The following LTBP2 variants were observed in gnomAD, a reference collection of about 807,000 sequenced individuals.
LTBP2 encodes latent transforming growth factor beta binding protein 2, also known as latent-transforming growth factor beta-binding protein 2.
Under a neutral mutation model 210.6 loss-of-function variants are expected in LTBP2, and 103 were observed. The ratio of observed to expected loss-of-function variants is 0.49; its 90% CI spans 0.42 to 0.58. The LOEUF is 0.58. LTBP2 is among the 20% of genes least tolerant of loss of function. LTBP2 has a pLI of 0.00. For synonymous variants in LTBP2, 1,007 were observed against 1,015.0 expected (o/e 0.99, Z 0.15); for missense variants, 2,313 against 2,494.5 (o/e 0.93, Z 1.55).
chr14:74,527,987 G>A (rs560288106), intron 12 of LTBP2, among the ~76,000 whole-genome samples: 3 of 152,352 alleles, frequency 2.0e-5, no homozygotes, highest in Admixed American at 6.5e-5. Context: ...ACTTCTCCAT[G>A]GTTTTCAGGG....
rs1177326263 is a variant in LTBP2, at chr14:74,541,722, C to T, written c.1790-5722G>A. On this transcript the variant is annotated intron_variant, in intron 8 of 35. Transcript: ENST00000261978. ...AAACCTAGCACCCTTCCTAGGAAAC[C>T]TCTACCCTGTTTTTAAATGAGGGGT... Among the ~76,000 whole-genome samples the T allele has an allele frequency of 3.9e-5, 6 of 151,912 alleles. No individual in the cohort carries two copies. The East Asian group carries it at 1.2e-3, about 29-fold the overall frequency.
chr14:74,535,248 A>C (rs1038606149), intron 9 of LTBP2, among the ~76,000 whole-genome samples: 5 of 152,110 alleles, frequency 3.3e-5, no homozygotes, highest in Non-Finnish European at 4.4e-5. Context: ...TCTCTGAAGC[A>C]ACCTCCAGGA....
At position 74,550,620 on chromosome 14, in the gene LTBP2, T is replaced by A. The variant is rs549068718; in HGVS notation, c.1686+444A>T. Among the ~76,000 whole-genome samples the A allele has an allele frequency of 2.0e-5, 3 of 152,306 alleles. No individual in the cohort carries two copies. In the South Asian group the frequency reaches 6.2e-4, roughly 32 times the overall value. ...CAGAGGGCAATAGGAGTATCTCTCATCTTTGTACCACCAGGGCTTTGGGGT... is the reference window on the plus strand; with the variant it reads ...CAGAGGGCAATAGGAGTATCTCTCAACTTTGTACCACCAGGGCTTTGGGGT... On this transcript the variant is annotated intron_variant, in intron 7 of 35. Coordinates refer to ENST00000261978, the MANE Select transcript of LTBP2 (RefSeq NM_000428.3).
chr14:74,529,570 G>C (rs1310079613), intron 10 of LTBP2, among the ~76,000 whole-genome samples: 1 of 152,142 alleles, frequency 6.6e-6, no homozygotes, highest in African/African-American at 2.4e-5. Flanking sequence ...CCCTATCTTG[G>C]GTCATCTCTG....
chr14:74,532,700 G>A, intron 9 of LTBP2, 152 bp from the exon 10 acceptor site: 1 of 868,140 alleles, frequency 1.2e-6, no homozygotes, highest in African/African-American at 1.7e-5. Context: ...CTGTGCCTCA[G>A]TTTCCTCATT....
At position 74,505,083 on chromosome 14, in the gene LTBP2, G is replaced by A. The variant is rs1187479644; in HGVS notation, c.4269C>T (p.Cys1423=). ...TGGTGTTCCGGCCCAGGACACTGGA[G>A]CAGGGCGCATGGCCCTTCTGCCCGG... ...CYSGQKGHAP[C]SSVLGRNTTQ... The change falls in exon 29 of 36, where the codon TGC becomes TGT. Residue 1423 remains cysteine, a synonymous_variant. Coordinates refer to ENST00000261978, the MANE Select transcript of LTBP2 (RefSeq NM_000428.3). 2 of 1,614,020 alleles carry A rather than the reference G, an allele frequency of 1.2e-6. No homozygotes were observed. Among genetic ancestry groups the A allele is most frequent in the Admixed American group, 3.3e-5 (2 of 60,016 alleles).
intron 2 of LTBP2, among the ~76,000 whole-genome samples, chr14:74,601,496 G>C (rs937726275): frequency 6.6e-6 from 1 of 152,218 alleles, no homozygotes; most frequent in African/African-American, 2.4e-5. Flanking sequence ...AGGCATCCAC[G>C]TTCCCTGAAA....
Position 74,586,250 on chromosome 14 carries a change from G to A in LTBP2, c.566-132C>T, listed in dbSNP as rs1008491690. The A allele has an allele frequency of 4.1e-6, 4 of 980,434 alleles. No individual in the cohort carries two copies. The highest frequency in any genetic ancestry group is 4.7e-5 in the Admixed American group (2 of 42,584). The allele number at this position is 980,434 out of a possible 1,614,324, so 60.7% of individuals were successfully genotyped here. On this transcript the variant is annotated intron_variant, in intron 2 of 35. Coordinates refer to ENST00000261978, the MANE Select transcript of LTBP2 (RefSeq NM_000428.3). The surrounding 1 kb of genome is among the most constrained non-coding windows in gnomAD (Gnocchi z 4.6). ...GCTCAAGCAGGAAGCCACTCTCCTG[G>A]CCTCAGGGGGCTCCCTGACCCATGT... is the stretch of plus-strand genomic sequence containing the variant.
At chr14:74,600,695 A>G (rs2088435028) in intron 2 of LTBP2, among the ~76,000 whole-genome samples, 1 of 152,042 alleles carries the variant, frequency 6.6e-6, no homozygotes, top group Non-Finnish European at 1.5e-5. Flanking sequence ...CCTCAGCAAC[A>G]TTCTCCATCA....
intron 20 of LTBP2, 29 bp downstream of exon 20, chr14:74,510,062 G>A (rs377550043): frequency 1.2e-4 from 198 of 1,613,690 alleles, no homozygotes; most frequent in Non-Finnish European, 1.5e-4. Flanking sequence ...ATCGGCCTGC[G>A]GAGAAGGGGC....
At position 74,557,802 on chromosome 14, in the gene LTBP2, C is replaced by A. The variant is rs528470395; in HGVS notation, c.831-2109G>T. ...AGCTGAGAGAGGCTCAGTCCTTGCCCAAGGTTATACAAGAGCTAAATGGGG... is the reference window on the plus strand; with the variant it reads ...AGCTGAGAGAGGCTCAGTCCTTGCCAAAGGTTATACAAGAGCTAAATGGGG... On this transcript the variant is annotated intron_variant, in intron 3 of 35. Transcript: ENST00000261978. Among the ~76,000 whole-genome samples the A allele has an allele frequency of 2.6e-5, 4 of 152,286 alleles. No homozygotes were observed. In the South Asian group the frequency reaches 6.2e-4, roughly 24 times the overall value.
intron 2 of LTBP2, among the ~76,000 whole-genome samples, chr14:74,594,559 G>A (rs924939118): frequency 2.0e-5 from 3 of 152,182 alleles, no homozygotes; most frequent in Non-Finnish European, 4.4e-5. Flanking sequence ...CACAGCTAGA[G>A]GCCTTCGCAG....
chr14:74,611,428 A>G, intron 1 of LTBP2, 23 bp downstream of exon 1: 1 of 1,471,380 alleles, frequency 6.8e-7, no homozygotes, highest in Admixed American at 2.6e-5. Flanking sequence ...TGTACCCTCC[A>G]AACTTCCCTC....
Position 74,502,947 on chromosome 14 carries a change from A to G in LTBP2, c.4889-13T>C, listed in dbSNP as rs2086930424. ...TGAGCATAGACCTCTGTCAGGGAGG[A>G]GGGAGAGAAGGAGCTGGGTTCTAGC... On this transcript the variant is annotated splice_polypyrimidine_tract_variant and intron_variant, in intron 33 of 35. Coordinates refer to ENST00000261978, the MANE Select transcript of LTBP2 (RefSeq NM_000428.3). The G allele has an allele frequency of 4.3e-6, 7 of 1,609,674 alleles. No individual in the cohort carries two copies. In the East Asian group the frequency reaches 1.6e-4, roughly 36 times the overall value.
intron 1 of LTBP2, among the ~76,000 whole-genome samples, chr14:74,609,961 C>T (rs1424083562): frequency 3.3e-5 from 5 of 152,238 alleles, no homozygotes; most frequent in African/African-American, 1.2e-4. Flanking sequence ...TCCACTAAGA[C>T]TTGTTGAATG....
At position 74,502,726 on chromosome 14, in the gene LTBP2, C is replaced by A; in HGVS notation, c.5097G>T (p.Ala1699=). Residue 1699 remains alanine, a synonymous_variant, in exon 34 of 36, where the codon GCG becomes GCT. Transcript: ENST00000261978. ...PAFPNTAGHS[A]DRTPILESPL... The stretch of plus-strand genomic sequence containing the variant: ...GAGACTCAAGGATGGGTGTGCGGTC[C>A]GCTGAGTGACCGGCTGTGTTGGGGA... The A allele has an allele frequency of 6.2e-7, 1 of 1,614,186 alleles. No homozygotes were observed. Among genetic ancestry groups the A allele is most frequent in the Non-Finnish European group, 8.5e-7 (1 of 1,180,024 alleles).
Position 74,552,387 on chromosome 14 carries a change from C to A in LTBP2, c.1199G>T (p.Cys400Phe). The A allele has an allele frequency of 6.2e-7, 1 of 1,605,282 alleles. No homozygotes were observed. The highest frequency in any genetic ancestry group is 8.5e-7 in the Non-Finnish European group (1 of 1,179,958). Reference sequence around the variant, plus strand: ...GCCTCCGTTCAGGCAGGGGATCTGGCAGAAATCTGCAACATCAACCCTCAA... The same window carrying A: ...GCCTCCGTTCAGGCAGGGGATCTGGAAGAAATCTGCAACATCAACCCTCAA... ...DPKSGFRIYFCQIPCLNGGRC... is the reference protein window; with the variant it reads ...DPKSGFRIYFFQIPCLNGGRC... Residue 400 changes from cysteine (C) to phenylalanine (F), a missense_variant, in exon 6 of 36, where the codon TGC (cysteine) becomes TTC (phenylalanine). Cys to Phe is a radical substitution (Grantham distance 205). Around this residue, in one of 3 missense-constraint regions of LTBP2, gnomAD observed 1,867 missense variants for 1,976.9 expected, o/e 0.94. Coordinates refer to ENST00000261978, the MANE Select transcript of LTBP2 (RefSeq NM_000428.3).
chr14:74,550,083 G>A, intron 7 of LTBP2, 118 bp from the exon 8 acceptor site: 1 of 729,326 alleles, frequency 1.4e-6, no homozygotes, highest in Non-Finnish European at 2.5e-6. Flanking sequence ...GCCAGAGGAT[G>A]TCCCCAGCCA....
intron 3 of LTBP2, among the ~76,000 whole-genome samples, chr14:74,574,475 G>A (rs959853168): frequency 2.6e-5 from 4 of 152,196 alleles, no homozygotes; most frequent in Admixed American, 6.5e-5. Flanking sequence ...TGTCCTGCAT[G>A]TCACTGAGCT....
Sources: allele counts gnomAD v4.1 joint callset (sites outside exome capture counted in the v4.1 genomes callset), GRCh38; gene constraint gnomAD v4.1.1; regional missense constraint gnomAD v4.1.1; non-coding constraint Gnocchi (gnomAD v3.1); transcripts MANE v1.5; gene names NCBI Gene and HGNC (gene_info 2026-07-23, HGNC 2026-07-21).